Variants in ACAD11 observed in about 807,000 individuals in gnomAD.
ACAD11 encodes the protein acyl-CoA dehydrogenase family member 11.
A neutral mutation model predicts 102.2 loss-of-function variants in ACAD11; 83 were observed. That is an observed-to-expected ratio of 0.81 (90% confidence interval 0.68 to 0.97). The LOEUF is 0.97. ACAD11 is among the 50% of genes least tolerant of loss of function. The probability of loss-of-function intolerance (pLI) is 0.00; values close to 1 mark genes in which losing one functional copy is unlikely to be tolerated. For synonymous variants in ACAD11, 324 were observed against 319.8 expected, an observed-to-expected ratio of 1.01 and a Z score of -0.14; for missense variants, 901 against 951.7, an observed-to-expected ratio of 0.95 and a Z score of 0.70.
chr3:132,569,338 T>G (rs1249641679), intron 17 of ACAD11, among the ~76,000 whole-genome samples: 2 of 152,078 alleles, frequency 1.3e-5, no homozygotes, highest in East Asian at 3.9e-4. Flanking sequence ...CAACACCATA[T>G]GCTGGAGGGG....
intron 9 of ACAD11, among the ~76,000 whole-genome samples, chr3:132,622,489 A>C (rs1407939787): frequency 6.6e-6 from 1 of 152,136 alleles, no homozygotes; most frequent in Non-Finnish European, 1.5e-5. Flanking sequence ...ATCTCTGACC[A>C]CCTTTTCTCA....
At chr3:132,601,926 T>C (rs1467899278) in intron 13 of ACAD11, 1 of 175,610 alleles carries the variant, frequency 5.7e-6, no homozygotes, top group Non-Finnish European at 1.3e-5. Context: ...TAACTTCCTG[T>C]GAATTTATAA....
intron 12 of ACAD11, 42 bp from the exon 13 acceptor site, chr3:132,603,369 C>T (rs773027487): frequency 1.3e-6 from 2 of 1,528,772 alleles, no homozygotes; most frequent in Non-Finnish European, 1.8e-6. Context: ...AGGCAGATAT[C>T]ATCAGTAGAC....
intron 18 of ACAD11, among the ~76,000 whole-genome samples, 196 bp downstream of exon 18, chr3:132,560,887 GCTGAAGATATTCTCCCTC>G (rs1229931147): frequency 6.6e-6 from 1 of 152,020 alleles, no homozygotes; most frequent in Non-Finnish European, 1.5e-5. Flanking sequence ...TCTTAAGAAT[GCTGAAGATATTCTCCCTC>G]CTGAAAATCA....
chr3:132,579,874 TTA>T (rs1388328401), intron 13 of ACAD11, among the ~76,000 whole-genome samples: 1 of 152,146 alleles, frequency 6.6e-6, no homozygotes, highest in African/African-American at 2.4e-5. Context: ...CTGAGAAATT[TTA>T]TATGTCTAAT....
chr3:132,653,754 C>T (rs1051416026), intron 1 of ACAD11, among the ~76,000 whole-genome samples: 5 of 152,084 alleles, frequency 3.3e-5, no homozygotes, highest in Admixed American at 6.6e-5. Context: ...GGTTTTCCCC[C>T]ACCTCTTTGG....
rs139527858 is a variant in ACAD11 at position 132,658,829 on chromosome 3, T to G, written c.149+774A>C. ...AATTTTTACGCCCTTTCACCTATAT[T>G]ACGGTATTTCATTTCATTAATAAGA... On this transcript the variant is annotated intron_variant, in intron 1 of 19. Transcript: ENST00000264990. Among the ~76,000 whole-genome samples, 105 of 152,304 alleles carry G rather than the reference T, an allele frequency of 6.9e-4. 1 individual carries two copies. The highest frequency in any genetic ancestry group is 2.0e-3 in the African/African-American group (82 of 41,562).
At chr3:132,587,685 T>G (rs1937899490) in intron 13 of ACAD11, among the ~76,000 whole-genome samples, 1 of 151,968 alleles carries the variant, frequency 6.6e-6, no homozygotes, top group Admixed American at 6.6e-5. Flanking sequence ...GTGATTTTTT[T>G]GTTTTGAAAC....
chr3:132,576,608 T>G (rs553742671), intron 16 of ACAD11, among the ~76,000 whole-genome samples: 15 of 152,338 alleles, frequency 9.8e-5, no homozygotes, highest in African/African-American at 3.4e-4. Flanking sequence ...TCTTTTCAAT[T>G]GATGTGATAT....
At chr3:132,600,318 G>C in intron 13 of ACAD11, 2 of 1,311,128 alleles carry the variant, frequency 1.5e-6, no homozygotes, top group Non-Finnish European at 2.1e-6. Flanking sequence ...GAACAAAACA[G>C]CTTGATAAAA....
intron 11 of ACAD11, among the ~76,000 whole-genome samples, chr3:132,615,148 T>A (rs1939352438): frequency 6.6e-6 from 1 of 152,154 alleles, no homozygotes; most frequent in African/African-American, 2.4e-5. Context: ...CCAGTTAGAA[T>A]GGTGATCATC....
chr3:132,568,191 C>T (rs1366133261), intron 17 of ACAD11, among the ~76,000 whole-genome samples: 1 of 152,164 alleles, frequency 6.6e-6, no homozygotes, highest in Admixed American at 6.6e-5. Context: ...CATGCAATTA[C>T]ACTCCAGCCT....
At chr3:132,570,328 G>A (rs775087453) in intron 17 of ACAD11, among the ~76,000 whole-genome samples, 6 of 152,068 alleles carry the variant, frequency 3.9e-5, no homozygotes, top group Non-Finnish European at 8.8e-5. Context: ...CACAGAATTG[G>A]TTTCCAATTC....
At chr3:132,659,086 T>C (rs571921284) in intron 1 of ACAD11, among the ~76,000 whole-genome samples, 5 of 152,262 alleles carry the variant, frequency 3.3e-5, no homozygotes, top group Non-Finnish European at 4.4e-5. Flanking sequence ...ACTCTCAGGA[T>C]CCTCTCACTC....
intron 11 of ACAD11, among the ~76,000 whole-genome samples, chr3:132,614,723 T>C (rs1382318874): frequency 6.6e-6 from 1 of 152,148 alleles, no homozygotes. Context: ...ACAAAAGCCC[T>C]AGAAGAAAAC....
chr3:132,582,339 T>TAA (rs34072025), intron 13 of ACAD11, among the ~76,000 whole-genome samples: 16,367 of 145,128 alleles, frequency 0.11, 2,297 homozygotes, highest in African/African-American at 0.34. Context: ...CAGAAACTGT[T>TAA]AAAAAAAAAA....
chr3:132,603,401 T>C, intron 12 of ACAD11, 74 bp from the exon 13 acceptor site: 1 of 1,347,180 alleles, frequency 7.4e-7, no homozygotes, highest in South Asian at 1.2e-5. Context: ...TATGAAAACT[T>C]TAAAAACAAA....
Position 132,642,541 on chromosome 3 carries a change from AC to A in ACAD11, c.375+135del, listed in dbSNP as rs1576617285. On this transcript the variant is annotated intron_variant, in intron 3 of 19. Coordinates refer to ENST00000264990, the MANE Select transcript of ACAD11 (RefSeq NM_032169.5). Reference sequence around the variant, plus strand: ...TGCTCAAATTTGAACAAAATTGTAAACCTTTGCAATGCAATCTAATTACCTA... The same window carrying A: ...TGCTCAAATTTGAACAAAATTGTAAACTTTGCAATGCAATCTAATTACCTA... 8.9e-6 allele frequency: 9 copies of A among 1,014,156 alleles called. No homozygotes were observed. In the East Asian group the frequency reaches 2.5e-4, roughly 28 times the overall value. 62.8% of individuals were successfully genotyped at this position (1,014,156 alleles called of 1,614,324 possible). A position where few individuals can be genotyped will look rare whatever the true frequency, so the allele number is the denominator to read the frequency against.
intron 4 of ACAD11, among the ~76,000 whole-genome samples, chr3:132,641,588 GAAGAA>G (rs1940505475): frequency 2.7e-5 from 4 of 149,790 alleles, no homozygotes; most frequent in African/African-American, 5.0e-5. Context: ...AGAAGAAGAA[GAAGAA>G]GAAGAAGAAG....
Sources: allele counts gnomAD v4.1 joint callset (sites outside exome capture counted in the v4.1 genomes callset), GRCh38; gene constraint gnomAD v4.1.1; transcripts MANE v1.5; gene names NCBI Gene and HGNC (gene_info 2026-07-23, HGNC 2026-07-21).